COL19A1: variants seen among roughly 807,000 people sequenced by gnomAD.
COL19A1 encodes collagen type XIX alpha 1 chain, also known as collagen alpha-1(XIX) chain.
Under a neutral mutation model 190.2 loss-of-function variants are expected in COL19A1, and 159 were observed. That is an observed-to-expected ratio of 0.84 (90% CI 0.73 to 0.95). The LOEUF (loss-of-function observed/expected upper bound fraction) is 0.95, where lower values mean the gene tolerates loss of function less well. Ranked by LOEUF, COL19A1 falls within the 40% of genes least tolerant of loss-of-function variation. The pLI is 0.00. For missense variants in COL19A1, 1,418 were observed against 1,431.9 expected (o/e 0.99, Z 0.16); for synonymous variants, 509 against 458.9 (o/e 1.11, Z -1.39).
At chr6:70,021,294 G>A (rs1245358912) in intron 11 of COL19A1, among the ~76,000 whole-genome samples, 2 of 152,038 alleles carry the variant, frequency 1.3e-5, no homozygotes, top group Non-Finnish European at 2.9e-5. Flanking sequence ...TATTAACTCT[G>A]TTCTCTATAT....
chr6:70,009,056 C>G (rs1777819920), intron 11 of COL19A1, among the ~76,000 whole-genome samples: 1 of 151,950 alleles, frequency 6.6e-6, no homozygotes, highest in African/African-American at 2.4e-5. Flanking sequence ...TATTATCTTT[C>G]ACTTAATGGT....
intron 4 of COL19A1, among the ~76,000 whole-genome samples, chr6:69,921,320 A>G (rs915432918): frequency 2.4e-5 from 3 of 122,588 alleles, no homozygotes; most frequent in Non-Finnish European, 4.8e-5. Flanking sequence ...ATATCATATA[A>G]TCATATATCA....
At chr6:69,907,744 G>T (rs1770656801) in intron 4 of COL19A1, among the ~76,000 whole-genome samples, 1 of 152,136 alleles carries the variant, frequency 6.6e-6, no homozygotes, top group Admixed American at 6.5e-5. Context: ...TTTCTGTTTT[G>T]CTAAAGGGTG....
chr6:70,009,439 C>G (rs1777844829), intron 11 of COL19A1, among the ~76,000 whole-genome samples: 2 of 151,860 alleles, frequency 1.3e-5, no homozygotes, highest in Admixed American at 1.3e-4. Context: ...AAAAACATTG[C>G]TAAAAGCAAT....
chr6:70,079,695 T>C (rs1465089515), intron 15 of COL19A1, among the ~76,000 whole-genome samples: 1 of 152,168 alleles, frequency 6.6e-6, no homozygotes, highest in Non-Finnish European at 1.5e-5. Flanking sequence ...TTAGCATGTC[T>C]GTGTTGCACA....
intron 49 of COL19A1, 140 bp from the exon 50 acceptor site, chr6:70,206,761 C>G (rs1225425710): frequency 4.7e-6 from 3 of 639,618 alleles, no homozygotes; most frequent in Non-Finnish European, 7.7e-6. Context: ...GTGGTTAATG[C>G]AAAACAGTTA....
chr6:70,178,682 G>T lies in COL19A1; in HGVS notation c.2668-1630G>T, dbSNP rs186966734. 1.9e-4 allele frequency among the ~76,000 whole-genome samples: 29 copies of T among 152,216 alleles called. 1 individual carries two copies. The East Asian group carries it at 4.8e-3, about 25-fold the overall frequency. The stretch of plus-strand genomic sequence containing the variant: ...TTTTCGAAAAATGGTGATTGTTCTA[G>T]TTGAAGCAGGGCTGGGGCCTGCCCA... On this transcript the variant is annotated intron_variant, in intron 42 of 50. Transcript: ENST00000620364.
chr6:69,955,607 A>G (rs1045913267), intron 9 of COL19A1, among the ~76,000 whole-genome samples: 3 of 149,698 alleles, frequency 2.0e-5, no homozygotes, highest in African/African-American at 7.4e-5. Context: ...CCTGTTCTGT[A>G]TTCTATGTGA....
intron 34 of COL19A1, among the ~76,000 whole-genome samples, chr6:70,160,552 T>C (rs1239535003): frequency 6.6e-6 from 1 of 152,204 alleles, no homozygotes; most frequent in Non-Finnish European, 1.5e-5. Context: ...CAGCCCAATC[T>C]GGCCTAACTC....
chr6:69,953,319 G>T (rs550208200), intron 9 of COL19A1, among the ~76,000 whole-genome samples: 2 of 151,842 alleles, frequency 1.3e-5, no homozygotes, highest in African/African-American at 4.8e-5. Context: ...CTACACACAG[G>T]ATTGAATTTT....
Position 69,898,251 on chromosome 6 carries a change from T to G in COL19A1, c.92-697T>G, listed in dbSNP as rs1410759370. Among the ~76,000 whole-genome samples the G allele has an allele frequency of 2.0e-5, 3 of 152,196 alleles. No homozygotes were observed. In the East Asian group the frequency reaches 5.8e-4, roughly 29 times the overall value. ...AAATTGGCTGTAATTTTGTCTGAAT[T>G]AACTGAATTAGCCTGATTCAATTTA... On this transcript the variant is annotated intron_variant, in intron 2 of 50. Transcript: ENST00000620364.
intron 11 of COL19A1, among the ~76,000 whole-genome samples, chr6:69,969,201 AATTT>A (rs1306886193): frequency 4.6e-5 from 7 of 152,328 alleles, no homozygotes; most frequent in South Asian, 4.1e-4. Flanking sequence ...TTTTGACAAA[AATTT>A]ATTTGACAGA....
At chr6:70,039,593 G>A (rs1014841203) in intron 14 of COL19A1, among the ~76,000 whole-genome samples, 3 of 152,168 alleles carry the variant, frequency 2.0e-5, no homozygotes, top group East Asian at 1.9e-4. Context: ...AACTAAGGGC[G>A]AAGAGCTGAA....
Position 70,208,854 on chromosome 6 carries a change from A to T in COL19A1, c.*1580A>T, listed in dbSNP as rs922761686. 2 of 152,744 alleles carry T rather than the reference A, an allele frequency of 1.3e-5. No homozygotes were observed. Among genetic ancestry groups the T allele is most frequent in the East Asian group, 3.9e-4 (2 of 5,182 alleles). The allele number at this position is 152,744 out of a possible 1,614,324, so 9.5% of individuals were successfully genotyped here. On this transcript the variant is annotated 3_prime_UTR_variant, in exon 51 of 51. Transcript: ENST00000620364. ...TTTAAGGCAGGGTTTGTTCCAATGC[A>T]TCCGTGATTTGAACCGGTTTTCATT...
intron 4 of COL19A1, among the ~76,000 whole-genome samples, chr6:69,905,469 C>T (rs1458778197): frequency 2.0e-5 from 3 of 152,126 alleles, no homozygotes; most frequent in African/African-American, 7.2e-5. Context: ...GAGCCGTGTC[C>T]TGGCTCCCCG....
intron 16 of COL19A1, among the ~76,000 whole-genome samples, chr6:70,109,531 C>T (rs1235429875): frequency 1.4e-5 from 2 of 138,874 alleles, no homozygotes; most frequent in Non-Finnish European, 3.1e-5. Flanking sequence ...AGTTACATCT[C>T]CGTTTTGTAA....
intron 11 of COL19A1, among the ~76,000 whole-genome samples, chr6:70,003,033 T>C (rs975929732): frequency 3.5e-4 from 53 of 152,302 alleles, no homozygotes; most frequent in African/African-American, 1.2e-3. Flanking sequence ...GTTATATAAA[T>C]TTCCCTCTTA....
At chr6:69,972,450 A>T (rs971508939) in intron 11 of COL19A1, among the ~76,000 whole-genome samples, 20 of 152,216 alleles carry the variant, frequency 1.3e-4, no homozygotes, top group African/African-American at 2.7e-4. Context: ...CCTAGCACAC[A>T]AAAGTATTCA....
chr6:69,899,532 TCAACCTCTTGGAGAAAAAAAA>T (rs1770019986), intron 3 of COL19A1, among the ~76,000 whole-genome samples: 1 of 151,972 alleles, frequency 6.6e-6, no homozygotes, highest in African/African-American at 2.4e-5. Flanking sequence ...CAACAATACC[TCAACCTCTTGGAGAAAAAAAA>T]ACTTATTTAA....
Sources: allele counts gnomAD v4.1 joint callset (sites outside exome capture counted in the v4.1 genomes callset), GRCh38; gene constraint gnomAD v4.1.1; transcripts MANE v1.5; gene names NCBI Gene and HGNC (gene_info 2026-07-23, HGNC 2026-07-21).